MAGI2: variants seen among roughly 807,000 people sequenced by gnomAD.
MAGI2 encodes the protein membrane associated guanylate kinase, WW and PDZ domain containing 2.
A neutral mutation model predicts 133.3 loss-of-function variants in MAGI2; 35 were observed. The observed-to-expected ratio is 0.26, with a 90% CI of 0.20 to 0.35. MAGI2 has a LOEUF of 0.35. MAGI2 is among the 10% of genes least tolerant of loss of function. MAGI2 has a pLI of 1.00. For synonymous variants in MAGI2, 729 were observed against 710.6 expected (o/e 1.03, Z -0.41); for missense variants, 1,636 against 1,863.4 (o/e 0.88, Z 2.25).
At chr7:79,200,152 T>C (rs1167947640) in intron 1 of MAGI2, among the ~76,000 whole-genome samples, 1 of 151,992 alleles carries the variant, frequency 6.6e-6, no homozygotes, top group Non-Finnish European at 1.5e-5. Flanking sequence ...AAGTGGTTTA[T>C]AGTTCCAGCT....
At chr7:79,232,757 T>C (rs1328559501) in intron 1 of MAGI2, among the ~76,000 whole-genome samples, 2 of 121,122 alleles carry the variant, frequency 1.7e-5, no homozygotes, top group Non-Finnish European at 3.4e-5. Flanking sequence ...CCTGGATTCA[T>C]TAATTTTTTG....
chr7:78,793,604 C>A (rs1204930752), intron 2 of MAGI2, among the ~76,000 whole-genome samples: 1 of 151,838 alleles, frequency 6.6e-6, no homozygotes, highest in Non-Finnish European at 1.5e-5. Context: ...AATGATGGGG[C>A]AAAGGAGAAA....
intron 6 of MAGI2, among the ~76,000 whole-genome samples, chr7:78,396,398 T>C (rs1796348988): frequency 6.6e-6 from 1 of 152,182 alleles, no homozygotes; most frequent in African/African-American, 2.4e-5. Context: ...TTGTGTTCTC[T>C]GAATGTGTCA....
At chr7:78,772,487 A>T (rs534019097) in intron 2 of MAGI2, among the ~76,000 whole-genome samples, 8 of 152,228 alleles carry the variant, frequency 5.3e-5, no homozygotes, top group Non-Finnish European at 1.0e-4. Context: ...GAATCACATT[A>T]TCCTTGCCAC....
chr7:79,081,141 G>A (rs931078661), intron 1 of MAGI2, among the ~76,000 whole-genome samples: 31 of 152,182 alleles, frequency 2.0e-4, no homozygotes, highest in African/African-American at 7.0e-4. Context: ...CCTTCTCACA[G>A]TGCTCTTATG....
chr7:78,216,556 C>T (rs939436267), intron 10 of MAGI2, among the ~76,000 whole-genome samples: 10 of 152,180 alleles, frequency 6.6e-5, no homozygotes, highest in East Asian at 3.9e-4. Flanking sequence ...TTCTCTCCTC[C>T]GGCCACAGGG....
intron 9 of MAGI2, among the ~76,000 whole-genome samples, chr7:78,337,025 T>C (rs1789842761): frequency 6.6e-6 from 1 of 152,164 alleles, no homozygotes; most frequent in Admixed American, 6.5e-5. Context: ...ATTCAAAAAT[T>C]AGCCTAGGGA....
At chr7:78,986,234 T>C (rs1805253516) in intron 2 of MAGI2, among the ~76,000 whole-genome samples, 1 of 152,114 alleles carries the variant, frequency 6.6e-6, no homozygotes, top group African/African-American at 2.4e-5. Flanking sequence ...TTATGATCCT[T>C]ATTCTGAATA....
chr7:78,538,460 A>G (rs966590513), intron 3 of MAGI2, among the ~76,000 whole-genome samples: 3 of 152,264 alleles, frequency 2.0e-5, no homozygotes, highest in Admixed American at 6.5e-5. Flanking sequence ...ATCAATGAGC[A>G]TGAGATGTGT....
intron 4 of MAGI2, among the ~76,000 whole-genome samples, chr7:78,517,698 A>G (rs1796155577): frequency 6.6e-6 from 1 of 152,166 alleles, no homozygotes; most frequent in African/African-American, 2.4e-5. Context: ...ATTGATTTCC[A>G]TTACCAAGGC....
intron 6 of MAGI2, among the ~76,000 whole-genome samples, chr7:78,378,321 G>T (rs10257903): frequency 0.81 from 122,830 of 151,186 alleles, 49,984 homozygotes; most frequent in Admixed American, 0.85. Flanking sequence ...GAAGAAAATA[G>T]AATAGAACTA....
chr7:78,342,049 G>T lies in MAGI2; in HGVS notation c.1408+1729C>A, dbSNP rs529232444. Among the ~76,000 whole-genome samples, 196 of 152,054 alleles carry T rather than the reference G, an allele frequency of 1.3e-3. 2 individuals carry two copies. Among genetic ancestry groups the T allele is most frequent in the African/African-American group, 4.5e-3 (187 of 41,482 alleles). The stretch of plus-strand genomic sequence containing the variant: ...ACCTACAGAATGGGAGAAAGTTTTT[G>T]CAATCTACCCATCTGACAAAGGGCT... On this transcript the variant is annotated intron_variant, in intron 9 of 21. Transcript: ENST00000354212.
At chr7:79,106,980 G>A (rs1818502540) in intron 1 of MAGI2, among the ~76,000 whole-genome samples, 1 of 152,290 alleles carries the variant, frequency 6.6e-6, no homozygotes, top group East Asian at 1.9e-4. Context: ...AGAAATTAGA[G>A]TAATTTACTC....
At chr7:79,412,019 C>T (rs1391482435) in intron 1 of MAGI2, 3 of 151,876 alleles carry the variant, frequency 2.0e-5, no homozygotes, top group Non-Finnish European at 4.4e-5. Flanking sequence ...TAAAAGTAAG[C>T]ATAAACATTT....
chr7:78,932,511 T>TAA (rs201473508), intron 2 of MAGI2, among the ~76,000 whole-genome samples: 5 of 141,274 alleles, frequency 3.5e-5, no homozygotes, highest in African/African-American at 1.3e-4. Context: ...TAATGAAAAA[T>TAA]AAAAAAAAAA....
Position 78,256,300 on chromosome 7 carries a change from G to C in MAGI2, c.1690C>G (p.Arg564Gly), listed in dbSNP as rs139352828. Residue 564 changes from arginine (R) to glycine (G), a missense_variant, in exon 10 of 22, where the codon CGG becomes GGG. This residue lies in a region of MAGI2 where 920 missense variants were observed against 1,093.5 expected (regional missense o/e 0.84). Coordinates refer to ENST00000354212, the MANE Select transcript of MAGI2 (RefSeq NM_012301.4). ...ATGGAGTGCAGAGAATGAGGCGGCC[G>C]ATCTGTTATATCTGGAACTGACTGT... ...TSQSVPDITD[R>G]PPHSLHSMPT... The C allele has an allele frequency of 1.9e-5, 30 of 1,613,928 alleles. No individual in the cohort carries two copies. The highest frequency in any genetic ancestry group is 4.0e-5 in the African/African-American group (3 of 74,902).
chr7:79,326,553 G>C (rs1162159713), intron 1 of MAGI2, among the ~76,000 whole-genome samples: 7 of 152,016 alleles, frequency 4.6e-5, no homozygotes. Context: ...CCTATGAAAG[G>C]TATACTCCCA....
At chr7:78,500,206 T>C (rs746087551) in intron 5 of MAGI2, among the ~76,000 whole-genome samples, 1 of 152,216 alleles carries the variant, frequency 6.6e-6, no homozygotes, top group Non-Finnish European at 1.5e-5. Context: ...GAATTAAATA[T>C]TGGTATGTGG....
At chr7:79,045,717 G>A (rs540906483) in intron 1 of MAGI2, among the ~76,000 whole-genome samples, 3 of 152,224 alleles carry the variant, frequency 2.0e-5, no homozygotes, top group Admixed American at 6.5e-5. Flanking sequence ...GCGTGAACCC[G>A]GGAGGCAGAG....
Sources: gnomAD v4.1 joint callset for allele counts (sites outside exome capture counted in the v4.1 genomes callset) on GRCh38, gnomAD v4.1.1 for gene constraint, gnomAD v4.1.1 regional missense constraint, MANE v1.5 for transcripts, NCBI Gene and HGNC (gene_info 2026-07-23, HGNC 2026-07-21) for gene names.